The following STXBP5 variants were observed in gnomAD, a reference collection of about 807,000 sequenced individuals.
STXBP5 encodes the protein syntaxin-binding protein 5.
In STXBP5, 50 loss-of-function variants were observed where a neutral mutation model predicts 152.4. That is an observed-to-expected ratio of 0.33 (90% CI 0.26 to 0.42). The LOEUF is 0.42. STXBP5 is among the 10% of genes least tolerant of loss of function. The pLI is 1.00. For missense variants in STXBP5, 1,167 were observed against 1,388.6 expected, an observed-to-expected ratio of 0.84 and a Z score of 2.54; for synonymous variants, 492 against 494.7, an observed-to-expected ratio of 0.99 and a Z score of 0.07.
chr6:147,376,099 TATA>T (rs959590821), intron 26 of STXBP5, among the ~76,000 whole-genome samples: 17 of 152,150 alleles, frequency 1.1e-4, no homozygotes, highest in African/African-American at 3.9e-4. Flanking sequence ...ATATAATTAA[TATA>T]ATCTTTATGA....
chr6:147,384,906 G>A lies in STXBP5; in HGVS notation c.*151G>A. 1.3e-6 allele frequency: 1 copy of A among 784,624 alleles called. No individual in the cohort carries two copies. The highest frequency in any genetic ancestry group is 2.1e-6 in the Non-Finnish European group (1 of 473,816). The allele number at this position is 784,624 out of a possible 1,614,324, so 48.6% of individuals were successfully genotyped here. A position where few individuals can be genotyped will look rare whatever the true frequency, so the allele number is the denominator to read the frequency against. On this transcript the variant is annotated 3_prime_UTR_variant, in exon 28 of 28. Coordinates refer to ENST00000321680, the MANE Select transcript of STXBP5 (RefSeq NM_001127715.4). ...TCATGCACTGTTTTACCTCAGTCAT[G>A]TGGCTTTAACTGAGGAGTGTTCACA...
chr6:147,315,929 A>T (rs535294566), intron 15 of STXBP5, among the ~76,000 whole-genome samples, 194 bp downstream of exon 15: 197 of 152,288 alleles, frequency 1.3e-3, no homozygotes, highest in African/African-American at 4.2e-3. Context: ...TTAAATCCTT[A>T]AGTATAGGAT....
intron 25 of STXBP5, among the ~76,000 whole-genome samples, chr6:147,371,007 G>C (rs145008459): frequency 1.1e-3 from 171 of 152,008 alleles, no homozygotes; most frequent in South Asian, 4.6e-3. Context: ...TTCTAACCTT[G>C]TTAGCTTACA....
At chr6:147,267,505 C>T (rs1779951681) in intron 7 of STXBP5, among the ~76,000 whole-genome samples, 1 of 152,064 alleles carries the variant, frequency 6.6e-6, no homozygotes. Context: ...TTATAATCCA[C>T]TTTAAGAACC....
At chr6:147,306,672 C>T (rs920245322) in intron 9 of STXBP5, among the ~76,000 whole-genome samples, 6 of 152,202 alleles carry the variant, frequency 3.9e-5, no homozygotes. Flanking sequence ...TCCTCAGGTA[C>T]ACCCAGCTCG....
At chr6:147,285,789 T>C (rs1001586795) in intron 8 of STXBP5, among the ~76,000 whole-genome samples, 4 of 152,206 alleles carry the variant, frequency 2.6e-5, no homozygotes, top group African/African-American at 9.6e-5. Context: ...TACCATCTAA[T>C]GTCCTTTAGA....
chr6:147,208,037 C>A lies in STXBP5; in HGVS notation c.248+1969C>A, dbSNP rs904928628. On this transcript the variant is annotated intron_variant, in intron 2 of 27. Transcript: ENST00000321680. The stretch of plus-strand genomic sequence containing the variant: ...CCAATTAAAATCAAGGATCAGGTGG[C>A]CAAAATTGTCACTTGTATATAACTT... Among the ~76,000 whole-genome samples the A allele has an allele frequency of 5.9e-5, 9 of 152,188 alleles. 1 individual carries two copies. The South Asian group carries it at 1.9e-3, about 32-fold the overall frequency.
At position 147,204,479 on chromosome 6, in the gene STXBP5, C is replaced by G; in HGVS notation, c.-54C>G. ...TTCGGCCCCGGGTGGTCTCCCCCGC[C>G]CGGGGACCCCCTGTGCCTCCCCTCC... On this transcript the variant is annotated 5_prime_UTR_variant, in exon 1 of 28. Coordinates refer to ENST00000321680, the MANE Select transcript of STXBP5 (RefSeq NM_001127715.4). The surrounding 1 kb of genome is among the most constrained non-coding windows in gnomAD (Gnocchi z 4.3). 1 of 1,587,400 alleles carries G rather than the reference C, an allele frequency of 6.3e-7. No homozygotes were observed. Among genetic ancestry groups the G allele is most frequent in the South Asian group, 1.1e-5 (1 of 88,086 alleles).
chr6:147,261,379 T>C (rs1304847232), intron 5 of STXBP5, among the ~76,000 whole-genome samples: 1 of 152,042 alleles, frequency 6.6e-6, no homozygotes, highest in Non-Finnish European at 1.5e-5. Context: ...TTTTGTATCT[T>C]ATCTCTTTCT....
chr6:147,324,079 A>G (rs1783078466), intron 16 of STXBP5, among the ~76,000 whole-genome samples: 1 of 152,150 alleles, frequency 6.6e-6, no homozygotes, highest in Non-Finnish European at 1.5e-5. Flanking sequence ...TTATTAAAAA[A>G]GAGTCTCTGC....
At chr6:147,284,882 C>G (rs951673262) in intron 8 of STXBP5, among the ~76,000 whole-genome samples, 1 of 152,192 alleles carries the variant, frequency 6.6e-6, no homozygotes, top group Non-Finnish European at 1.5e-5. Flanking sequence ...TAGTGAGAAG[C>G]ATTAAGTTTA....
intron 9 of STXBP5, among the ~76,000 whole-genome samples, chr6:147,294,457 G>A (rs1781421033): frequency 6.6e-6 from 1 of 151,926 alleles, no homozygotes; most frequent in Non-Finnish European, 1.5e-5. Flanking sequence ...ATACACCACT[G>A]GTATATGTCT....
Position 147,213,432 on chromosome 6 carries a change from ATATGTGTGTGTGTGTG to A in STXBP5, c.248+7366_248+7381del, listed in dbSNP as rs1179171777. ...CCTCACCTGGCTCACATAATTTTAT[ATATGTGTGTGTGTGTG>A]TGTGTGTGTGTGTGTGTGTGTGTGT... On this transcript the variant is annotated intron_variant, in intron 2 of 27. Coordinates refer to ENST00000321680, the MANE Select transcript of STXBP5 (RefSeq NM_001127715.4). Among the ~76,000 whole-genome samples, 183 of 121,080 alleles carry A rather than the reference ATATGTGTGTGTGTGTG, an allele frequency of 1.5e-3. 1 individual carries two copies. The highest frequency in any genetic ancestry group is 2.7e-3 in the Non-Finnish European group (160 of 58,526). 79.4% of individuals were successfully genotyped at this position (121,080 alleles called of 152,430 possible).
chr6:147,348,398 TGC>T (rs1784437261), intron 21 of STXBP5, among the ~76,000 whole-genome samples: 1 of 141,416 alleles, frequency 7.1e-6, no homozygotes, highest in Non-Finnish European at 1.5e-5. Context: ...GTGAAAGGCA[TGC>T]ATGCAAAATA....
intron 2 of STXBP5, among the ~76,000 whole-genome samples, chr6:147,230,112 A>G (rs1354024360): frequency 6.6e-6 from 1 of 151,688 alleles, no homozygotes; most frequent in Non-Finnish European, 1.5e-5. Context: ...ACCCGTTGAG[A>G]TATGTGGTTG....
intron 21 of STXBP5, among the ~76,000 whole-genome samples, chr6:147,347,372 G>A (rs1233803586): frequency 6.7e-6 from 1 of 148,704 alleles, no homozygotes; most frequent in African/African-American, 2.6e-5. Context: ...AAGGAATACA[G>A]CAGTCATTTT....
At chr6:147,293,771 G>A (rs1241667019) in intron 9 of STXBP5, among the ~76,000 whole-genome samples, 1 of 152,102 alleles carries the variant, frequency 6.6e-6, no homozygotes, top group East Asian at 1.9e-4. Context: ...AAAACATGCA[G>A]TACTTTTTCT....
chr6:147,381,828 G>T (rs1786100269), intron 26 of STXBP5, among the ~76,000 whole-genome samples: 1 of 152,056 alleles, frequency 6.6e-6, no homozygotes, highest in Non-Finnish European at 1.5e-5. Context: ...CTCAGAATAG[G>T]CAAATTTATG....
At chr6:147,353,075 T>C (rs963645699) in intron 21 of STXBP5, among the ~76,000 whole-genome samples, 3 of 151,926 alleles carry the variant, frequency 2.0e-5, no homozygotes, top group Admixed American at 6.6e-5. Context: ...GCCCAGATGA[T>C]TGAGGCTGCA....
Sources: allele counts gnomAD v4.1 joint callset (sites outside exome capture counted in the v4.1 genomes callset), GRCh38; gene constraint gnomAD v4.1.1; non-coding constraint Gnocchi (gnomAD v3.1); transcripts MANE v1.5; gene names NCBI Gene and HGNC (gene_info 2026-07-23, HGNC 2026-07-21).